Variants in BACH2 observed in about 807,000 individuals in gnomAD.
The protein encoded by BACH2 is transcription regulator protein BACH2.
In BACH2, 5 loss-of-function variants were observed where a neutral mutation model predicts 61.8. That is an observed-to-expected ratio of 0.08 (90% CI 0.04 to 0.17). The LOEUF (loss-of-function observed/expected upper bound fraction) is 0.17, where lower values mean the gene tolerates loss of function less well. Ranked by LOEUF, BACH2 falls within the 10% of genes least tolerant of loss-of-function variation. The pLI is 1.00. For missense variants in BACH2, 824 were observed against 1,091.1 expected, an observed-to-expected ratio of 0.76 and a Z score of 3.45; for synonymous variants, 446 against 440.1, an observed-to-expected ratio of 1.01 and a Z score of -0.17.
intron 1 of BACH2, among the ~76,000 whole-genome samples, chr6:90,278,374 G>C (rs962393695): frequency 6.6e-6 from 1 of 152,224 alleles, no homozygotes; most frequent in Non-Finnish European, 1.5e-5. Flanking sequence ...CCTCTGGTGG[G>C]ACACCCTTCC....
chr6:90,287,375 G>A (rs1455655810), intron 1 of BACH2, among the ~76,000 whole-genome samples: 2 of 152,030 alleles, frequency 1.3e-5, no homozygotes, highest in Admixed American at 6.5e-5. Flanking sequence ...AGTTGGATCC[G>A]CTGCTTTTTT....
intron 3 of BACH2, among the ~76,000 whole-genome samples, chr6:90,217,662 G>A (rs1354798131): frequency 6.6e-6 from 1 of 151,984 alleles, no homozygotes; most frequent in Admixed American, 6.6e-5. Context: ...AGCCAAAAAG[G>A]GAAAAAGTCC....
intron 2 of BACH2, among the ~76,000 whole-genome samples, chr6:90,270,953 G>A (rs774815728): frequency 1.3e-5 from 2 of 152,076 alleles, no homozygotes; most frequent in Non-Finnish European, 2.9e-5. Context: ...CTTTGACAAA[G>A]CAAACAAAAA....
intron 6 of BACH2, among the ~76,000 whole-genome samples, chr6:89,992,804 G>A (rs981010730): frequency 6.6e-6 from 1 of 152,198 alleles, no homozygotes; most frequent in African/African-American, 2.4e-5. Context: ...GTATCTGCAC[G>A]AATCTACTAT....
intron 8 of BACH2, among the ~76,000 whole-genome samples, chr6:89,936,644 C>T (rs1773041611): frequency 6.6e-6 from 1 of 152,152 alleles, no homozygotes; most frequent in Non-Finnish European, 1.5e-5. Context: ...CTTGGACTTT[C>T]TTTGTTGGTG....
chr6:89,998,692 C>T (rs1031119863), intron 6 of BACH2, among the ~76,000 whole-genome samples: 2 of 146,456 alleles, frequency 1.4e-5, no homozygotes, highest in East Asian at 2.0e-4. Flanking sequence ...TCTTTTTTCC[C>T]TTTTTTTTTT....
intron 5 of BACH2, among the ~76,000 whole-genome samples, chr6:90,063,138 A>G (rs1015629431): frequency 1.5e-4 from 23 of 152,206 alleles, no homozygotes; most frequent in African/African-American, 5.3e-4. Flanking sequence ...TTGTCTCTCA[A>G]CTGCATATTC....
chr6:89,997,982 T>C (rs748234135), intron 6 of BACH2, among the ~76,000 whole-genome samples: 1 of 152,164 alleles, frequency 6.6e-6, no homozygotes, highest in Non-Finnish European at 1.5e-5. Flanking sequence ...CAATAGAAAA[T>C]GATGGCTTAA....
chr6:90,211,558 C>T (rs1030595398), intron 3 of BACH2, among the ~76,000 whole-genome samples: 2 of 150,888 alleles, frequency 1.3e-5, no homozygotes, highest in Non-Finnish European at 2.9e-5. Flanking sequence ...ATCCTATGCT[C>T]TTTAAAGAGA....
At chr6:90,264,257 G>A (rs1476263886) in intron 2 of BACH2, among the ~76,000 whole-genome samples, 2 of 152,102 alleles carry the variant, frequency 1.3e-5, no homozygotes, top group African/African-American at 4.8e-5. Flanking sequence ...GTAGGAAAAT[G>A]TTCTTATTCT....
At chr6:90,084,744 C>T (rs1781860361) in intron 5 of BACH2, among the ~76,000 whole-genome samples, 1 of 151,936 alleles carries the variant, frequency 6.6e-6, no homozygotes, top group South Asian at 2.1e-4. Flanking sequence ...TCAGTTACAC[C>T]TTTTCCTTAA....
intron 8 of BACH2, 26 bp downstream of exon 8, chr6:89,938,118 T>C: frequency 2.5e-6 from 4 of 1,599,940 alleles, no homozygotes; most frequent in Non-Finnish European, 3.4e-6. Context: ...TTCAGGTTGC[T>C]GATCACAATG....
intron 5 of BACH2, among the ~76,000 whole-genome samples, chr6:90,076,378 G>C (rs1174778245): frequency 6.6e-6 from 1 of 152,162 alleles, no homozygotes; most frequent in African/African-American, 2.4e-5. Flanking sequence ...ATCTCACTCT[G>C]ACCAATTCAT....
At chr6:90,056,460 A>T (rs1373695960) in intron 5 of BACH2, among the ~76,000 whole-genome samples, 1 of 152,192 alleles carries the variant, frequency 6.6e-6, no homozygotes, top group Non-Finnish European at 1.5e-5. Flanking sequence ...AGCAGCACCC[A>T]GATTCATAAA....
intron 3 of BACH2, among the ~76,000 whole-genome samples, chr6:90,229,864 T>C (rs1187740004): frequency 6.6e-6 from 1 of 152,188 alleles, no homozygotes; most frequent in Non-Finnish European, 1.5e-5. Flanking sequence ...CGTCGAGATA[T>C]TTGGCTTGAG....
chr6:90,259,836 A>C (rs1771100386), intron 2 of BACH2, among the ~76,000 whole-genome samples: 1 of 152,030 alleles, frequency 6.6e-6, no homozygotes, highest in Non-Finnish European at 1.5e-5. Flanking sequence ...CCTCTAGGCC[A>C]CCCAATTTGT....
chr6:89,934,875 C>T (rs376637989), intron 8 of BACH2, among the ~76,000 whole-genome samples: 16 of 151,988 alleles, frequency 1.1e-4, no homozygotes, highest in Non-Finnish European at 1.6e-4. Flanking sequence ...AACAGGTCTC[C>T]GACACGGGAG....
intron 5 of BACH2, among the ~76,000 whole-genome samples, chr6:90,046,616 C>G (rs1181402071): frequency 1.3e-5 from 2 of 152,136 alleles, no homozygotes; most frequent in Non-Finnish European, 2.9e-5. Flanking sequence ...GAAGCAGCAT[C>G]CGATTTTTCT....
At chr6:90,296,301 A>G (rs1772383391) in intron 1 of BACH2, among the ~76,000 whole-genome samples, 179 bp downstream of exon 1, 2 of 151,460 alleles carry the variant, frequency 1.3e-5, no homozygotes, top group East Asian at 2.0e-4. Context: ...CCGTTCCTAG[A>G]AAATGCCATA....
Sources: gnomAD v4.1 joint callset for allele counts (sites outside exome capture counted in the v4.1 genomes callset) on GRCh38, gnomAD v4.1.1 for gene constraint, MANE v1.5 for transcripts, NCBI Gene and HGNC (gene_info 2026-07-23, HGNC 2026-07-21) for gene names.